Variants in TMEFF1 observed in about 807,000 individuals in gnomAD.
The protein encoded by TMEFF1 is transmembrane protein with EGF like and two follistatin like domains 1, also known as tomoregulin-1.
TMEFF1 carries 20 observed loss-of-function variants against 47.5 expected under a neutral mutation model. That is an observed-to-expected ratio of 0.42 (90% CI 0.30 to 0.61). The LOEUF (loss-of-function observed/expected upper bound fraction) is 0.61. TMEFF1 is among the 20% of genes least tolerant of loss of function. TMEFF1 has a pLI of 0.19. For synonymous variants in TMEFF1, 162 were observed against 166.3 expected, an observed-to-expected ratio of 0.97 and a Z score of 0.20; for missense variants, 411 against 471.1, an observed-to-expected ratio of 0.87 and a Z score of 1.18.
At chr9:100,551,054 T>C (rs1180035062) in intron 7 of TMEFF1, among the ~76,000 whole-genome samples, 1 of 152,264 alleles carries the variant, frequency 6.6e-6, no homozygotes, top group East Asian at 1.9e-4. Context: ...CTGAAACAGG[T>C]CTATATCTTT....
chr9:100,548,199 G>C (rs1489880450), intron 6 of TMEFF1, among the ~76,000 whole-genome samples: 1 of 151,744 alleles, frequency 6.6e-6, no homozygotes, highest in Non-Finnish European at 1.5e-5. Flanking sequence ...AATGATTATA[G>C]CTATTTAAGA....
rs761185573 is a variant in TMEFF1 at position 100,550,147 on chromosome 9, A to T, written c.762A>T (p.Arg254=). ...LGKKDDGLQY[R]PDVKDASDQR... is the part of the protein sequence containing the mutation. ...AGAAAGATGATGGACTACAATATCG[A>T]CCAGATGTGAAAGGTACTGAATCAT... Residue 254 remains arginine (R), a synonymous_variant, in exon 7 of 10, where the codon CGA becomes CGT. Coordinates refer to ENST00000374879, the MANE Select transcript of TMEFF1 (RefSeq NM_003692.5). 2.5e-6 allele frequency: 4 copies of T among 1,612,374 alleles called. No individual in the cohort carries two copies. Among genetic ancestry groups the T allele is most frequent in the Non-Finnish European group, 3.4e-6 (4 of 1,179,298 alleles).
chr9:100,508,315 A>G (rs1837898923), intron 2 of TMEFF1, among the ~76,000 whole-genome samples: 1 of 152,110 alleles, frequency 6.6e-6, no homozygotes, highest in Non-Finnish European at 1.5e-5. Context: ...GTCCAGTGTC[A>G]TTTCTCAAAC....
At chr9:100,502,010 A>T (rs1243834805) in intron 2 of TMEFF1, among the ~76,000 whole-genome samples, 1 of 152,184 alleles carries the variant, frequency 6.6e-6, no homozygotes, top group Non-Finnish European at 1.5e-5. Context: ...ATAAGAAGAT[A>T]TGTAGCAAAA....
intron 8 of TMEFF1, among the ~76,000 whole-genome samples, chr9:100,567,652 G>A (rs979651669): frequency 6.6e-6 from 1 of 152,264 alleles, no homozygotes; most frequent in East Asian, 1.9e-4. Context: ...GGGATTGCCT[G>A]TGGAAGGTGT....
intron 8 of TMEFF1, among the ~76,000 whole-genome samples, chr9:100,562,321 CT>C (rs1839032846): frequency 6.6e-6 from 1 of 151,924 alleles, no homozygotes. Flanking sequence ...TTTGGTCCAC[CT>C]AGAAGCCAGT....
At chr9:100,530,174 A>G (rs568494960) in intron 5 of TMEFF1, among the ~76,000 whole-genome samples, 1 of 151,960 alleles carries the variant, frequency 6.6e-6, no homozygotes, top group South Asian at 2.1e-4. Flanking sequence ...TAACATCACA[A>G]TTAAAAGAAC....
At chr9:100,536,075 T>G (rs1000492808) in intron 5 of TMEFF1, among the ~76,000 whole-genome samples, 2 of 152,228 alleles carry the variant, frequency 1.3e-5, no homozygotes, top group African/African-American at 4.8e-5. Context: ...AAACAATATC[T>G]TCTGTGGAAA....
chr9:100,547,969 G>T, intron 6 of TMEFF1, 77 bp downstream of exon 6: 2 of 1,312,150 alleles, frequency 1.5e-6, no homozygotes, highest in Non-Finnish European at 2.0e-6. Context: ...ATTTGGTAGT[G>T]TTTCAAATTT....
At position 100,473,872 on chromosome 9, in the gene TMEFF1, G is replaced by T; in HGVS notation, c.196+132G>T. On this transcript the variant is annotated intron_variant, in intron 1 of 9. Coordinates refer to ENST00000374879, the MANE Select transcript of TMEFF1 (RefSeq NM_003692.5). The surrounding 1 kb of genome is among the most constrained non-coding windows in gnomAD (Gnocchi z 5.4). ...CAGGGGTGGGCCCGAGGGTGAGCGA[G>T]GGCGGAGGGCAGGGCGCGAGCGTGC... is the stretch of plus-strand genomic sequence containing the variant. 8.8e-7 allele frequency: 1 copy of T among 1,138,798 alleles called. No homozygotes were observed. The highest frequency in any genetic ancestry group is 2.2e-5 in the South Asian group (1 of 44,506). The allele number at this position is 1,138,798 out of a possible 1,614,324, so 70.5% of individuals were successfully genotyped here. A position where few individuals can be genotyped will look rare whatever the true frequency, so the allele number is the denominator to read the frequency against.
rs144300903 is a variant in TMEFF1 at position 100,493,251 on chromosome 9, C to T, written c.197-5514C>T. On this transcript the variant is annotated intron_variant, in intron 1 of 9. Transcript: ENST00000374879. ...TATCTGGTTCCAAATGTCAATAGTG[C>T]CCAGACTGAGAAACCCTGAGTTCTG... Among the ~76,000 whole-genome samples, 609 of 152,238 alleles carry T rather than the reference C, an allele frequency of 4.0e-3. 2 individuals are homozygous for T. Among genetic ancestry groups the T allele is most frequent in the Non-Finnish European group, 6.0e-3 (407 of 68,032 alleles).
intron 1 of TMEFF1, among the ~76,000 whole-genome samples, chr9:100,493,595 G>A (rs1837596689): frequency 6.6e-6 from 1 of 152,168 alleles, no homozygotes; most frequent in African/African-American, 2.4e-5. Flanking sequence ...TGCAACAAGA[G>A]CAAAATATTT....
chr9:100,527,118 G>T (rs1838274799), intron 5 of TMEFF1, among the ~76,000 whole-genome samples: 2 of 151,782 alleles, frequency 1.3e-5, no homozygotes, highest in African/African-American at 4.8e-5. Context: ...ACTCCAGCCT[G>T]GGCGACAGAG....
chr9:100,546,268 A>G (rs2118504927), intron 5 of TMEFF1, among the ~76,000 whole-genome samples: 1 of 152,294 alleles, frequency 6.6e-6, no homozygotes, highest in East Asian at 1.9e-4. Flanking sequence ...CCTCACAATC[A>G]TGGTGGAAGG....
chr9:100,561,561 C>A, intron 8 of TMEFF1, 41 bp downstream of exon 8: 2 of 1,584,058 alleles, frequency 1.3e-6, no homozygotes, highest in South Asian at 1.2e-5. Context: ...CATTTTTTTT[C>A]ATCAATGGTT....
intron 1 of TMEFF1, among the ~76,000 whole-genome samples, chr9:100,494,487 AT>A (rs1837615820): frequency 6.6e-6 from 1 of 152,166 alleles, no homozygotes; most frequent in South Asian, 2.1e-4. Flanking sequence ...GAAAGAGGAA[AT>A]CCACAGGCGG....
At chr9:100,557,815 C>T (rs1008826951) in intron 7 of TMEFF1, among the ~76,000 whole-genome samples, 5 of 148,936 alleles carry the variant, frequency 3.4e-5, no homozygotes, top group African/African-American at 1.2e-4. Context: ...TTCTTGAGGG[C>T]AAGGACCATG....
intron 5 of TMEFF1, among the ~76,000 whole-genome samples, chr9:100,517,143 A>G (rs966286565): frequency 2.0e-5 from 3 of 152,178 alleles, no homozygotes; most frequent in Admixed American, 1.3e-4. Flanking sequence ...CATTCCCTGT[A>G]AGAAATGGTG....
intron 1 of TMEFF1, among the ~76,000 whole-genome samples, chr9:100,496,755 GTAT>G (rs1837657408): frequency 6.6e-6 from 1 of 152,180 alleles, no homozygotes; most frequent in South Asian, 2.1e-4. Flanking sequence ...ATAACTCAGA[GTAT>G]TATCTTGCCT....
Sources: gnomAD v4.1 joint callset for allele counts (sites outside exome capture counted in the v4.1 genomes callset) on GRCh38, gnomAD v4.1.1 for gene constraint, Gnocchi (gnomAD v3.1) non-coding constraint, MANE v1.5 for transcripts, NCBI Gene and HGNC (gene_info 2026-07-23, HGNC 2026-07-21) for gene names.